CNOT10: variants seen among roughly 807,000 people sequenced by gnomAD.
CNOT10 encodes the protein CCR4-NOT transcription complex subunit 10, also known as CCR4-NOT transcription complex, subunit 10.
In CNOT10, 30 loss-of-function variants were observed where a neutral mutation model predicts 94.6. That is an observed-to-expected ratio of 0.32 (90% CI 0.24 to 0.43). The LOEUF (loss-of-function observed/expected upper bound fraction) is 0.43, where lower values mean the gene tolerates loss of function less well. CNOT10 is among the 20% of genes least tolerant of loss of function. The probability of loss-of-function intolerance (pLI) is 1.00; values close to 1 mark genes in which losing one functional copy is unlikely to be tolerated. For synonymous variants in CNOT10, 289 were observed against 301.6 expected (o/e 0.96, Z 0.43); for missense variants, 759 against 877.2 (o/e 0.87, Z 1.70).
intron 13 of CNOT10, chr3:32,753,530 T>C (rs952066366): frequency 4.1e-5 from 65 of 1,581,180 alleles, no homozygotes; most frequent in Non-Finnish European, 5.4e-5. Flanking sequence ...TCAACCAAGA[T>C]TGAAATTAAA....
intron 1 of CNOT10, among the ~76,000 whole-genome samples, chr3:32,697,261 T>C (rs938969047): frequency 3.9e-5 from 6 of 152,110 alleles, no homozygotes; most frequent in African/African-American, 1.4e-4. Flanking sequence ...GATACTTCCA[T>C]TTTCTGGGGT....
intron 5 of CNOT10, 68 bp downstream of exon 5, chr3:32,713,437 T>A: frequency 7.8e-7 from 1 of 1,279,788 alleles, no homozygotes; most frequent in South Asian, 1.4e-5. Context: ...GTTGGTTTAC[T>A]GGATTAAAAA....
intron 13 of CNOT10, among the ~76,000 whole-genome samples, chr3:32,750,608 A>C (rs1394833094): frequency 6.6e-6 from 1 of 151,860 alleles, no homozygotes; most frequent in Non-Finnish European, 1.5e-5. Context: ...GCTGGAGTGC[A>C]CTGGCGCAAT....
intron 10 of CNOT10, among the ~76,000 whole-genome samples, chr3:32,729,322 T>A (rs1366520501): frequency 6.6e-6 from 1 of 152,150 alleles, no homozygotes; most frequent in African/African-American, 2.4e-5. Flanking sequence ...CCTTTTGAAT[T>A]TCAATTTGGG....
intron 2 of CNOT10, among the ~76,000 whole-genome samples, chr3:32,704,504 C>T (rs1697522214): frequency 6.6e-6 from 1 of 151,910 alleles, no homozygotes; most frequent in Non-Finnish European, 1.5e-5. Flanking sequence ...ATTATATTAC[C>T]TTTCTTGACT....
chr3:32,752,051 G>T (rs929485877), intron 13 of CNOT10, among the ~76,000 whole-genome samples: 1 of 152,148 alleles, frequency 6.6e-6, no homozygotes, highest in Non-Finnish European at 1.5e-5. Context: ...CACTTCGGAA[G>T]TTCGAGGCAG....
chr3:32,759,325 G>T, intron 13 of CNOT10, 133 bp from the exon 14 acceptor site: 1 of 643,590 alleles, frequency 1.6e-6, no homozygotes, highest in Non-Finnish European at 2.8e-6. Flanking sequence ...CTTACCATTA[G>T]TACCGTGGCT....
At chr3:32,718,037 G>C (rs1698201031) in intron 7 of CNOT10, among the ~76,000 whole-genome samples, 1 of 152,070 alleles carries the variant, frequency 6.6e-6, no homozygotes, top group Admixed American at 6.6e-5. Flanking sequence ...TAATTTTTAA[G>C]ATGGTGTAGG....
Position 32,727,729 on chromosome 3 carries a change from G to A in CNOT10, c.1074G>A (p.Leu358=). The A allele has an allele frequency of 6.2e-7, 1 of 1,614,096 alleles. No individual in the cohort carries two copies. Among genetic ancestry groups the A allele is most frequent in the Non-Finnish European group, 8.5e-7 (1 of 1,179,972 alleles). The change falls in exon 10 of 19, where the codon CTG becomes CTA. Residue 358 remains leucine (L), a synonymous_variant. Coordinates refer to ENST00000328834, the MANE Select transcript of CNOT10 (RefSeq NM_015442.3). The part of the protein sequence containing the change: ...TLLTNKRYEL[L]YNCGIQLLHI... ...TAACCAATAAGAGATATGAGTTGCT[G>A]TATAACTGTGGAATTCAGCTTCTTC...
rs953070088 is a variant in CNOT10 at position 32,743,219 on chromosome 3, G to A, written c.1595+5729G>A. The stretch of plus-strand genomic sequence containing the variant: ...TCAGGCTAGTCTCGAACTCCTGACC[G>A]CAGGTGATCCATCCGCCTTAGCTTC... On this transcript the variant is annotated intron_variant, in intron 13 of 18. Transcript: ENST00000328834. Among the ~76,000 whole-genome samples, 7 of 151,918 alleles carry A rather than the reference G, an allele frequency of 4.6e-5. No individual in the cohort carries two copies. In the East Asian group the frequency reaches 5.8e-4, roughly 13 times the overall value.
intron 8 of CNOT10, among the ~76,000 whole-genome samples, chr3:32,720,683 T>G (rs184197899): frequency 4.4e-4 from 67 of 151,432 alleles, no homozygotes; most frequent in Admixed American, 2.1e-3. Context: ...CAAGGTCTCA[T>G]TATGTTGCCC....
chr3:32,725,253 C>T (rs1016948860), intron 8 of CNOT10, among the ~76,000 whole-genome samples, 197 bp from the exon 9 acceptor site: 1 of 152,014 alleles, frequency 6.6e-6, no homozygotes, highest in Non-Finnish European at 1.5e-5. Context: ...TTTGTATCAC[C>T]TTTAATAAAA....
intron 8 of CNOT10, among the ~76,000 whole-genome samples, chr3:32,721,003 G>GTTCCCTTCCCTCCCTCTC (rs1323564697): frequency 1.2e-3 from 114 of 91,428 alleles, no homozygotes; most frequent in Non-Finnish European, 1.9e-3. Flanking sequence ...CCTTCCTTCT[G>GTTCCCTTCCCTCCCTCTC]TTCCCTTCCC....
Position 32,762,718 on chromosome 3 carries a change from G to GT in CNOT10, c.1710-9dup. 6.3e-7 allele frequency: 1 copy of GT among 1,582,344 alleles called. No individual in the cohort carries two copies. The highest frequency in any genetic ancestry group is 2.0e-5 in the Admixed American group (1 of 50,382). On this transcript the variant is annotated splice_polypyrimidine_tract_variant and intron_variant, in intron 14 of 18. Coordinates refer to ENST00000328834, the MANE Select transcript of CNOT10 (RefSeq NM_015442.3). ...CGTTGTACTTTTCAGTTTGGAATCT[G>GT]TTTTTTCATTTTAGGTTTTTGGGAC...
chr3:32,773,680 C>T lies in CNOT10; in HGVS notation c.*69C>T. 2 of 1,445,942 alleles carry T rather than the reference C, an allele frequency of 1.4e-6. No individual in the cohort carries two copies. Among genetic ancestry groups the T allele is most frequent in the Non-Finnish European group, 1.9e-6 (2 of 1,072,584 alleles). 89.6% of individuals were successfully genotyped at this position (1,445,942 alleles called of 1,614,324 possible). On this transcript the variant is annotated 3_prime_UTR_variant, in exon 19 of 19. Transcript: ENST00000328834. ...TTTACTGGCCATTTTAGTTGTATCA[C>T]AGCAGAATGAATAAAAGATGGTGAA...
chr3:32,692,051 C>CAAAAA (rs747328876), intron 1 of CNOT10, among the ~76,000 whole-genome samples: 7 of 66,494 alleles, frequency 1.1e-4, no homozygotes, highest in Admixed American at 1.8e-4. Context: ...ACCCTGTCAC[C>CAAAAA]AAAAAAAAAA....
At chr3:32,686,690 C>T (rs1559471253) in intron 1 of CNOT10, among the ~76,000 whole-genome samples, 1 of 152,154 alleles carries the variant, frequency 6.6e-6, no homozygotes, top group African/African-American at 2.4e-5. Flanking sequence ...AACGGCATGG[C>T]CTGTCCAAGG....
chr3:32,737,292 G>A, intron 12 of CNOT10, 118 bp from the exon 13 acceptor site: 1 of 628,680 alleles, frequency 1.6e-6, no homozygotes, highest in South Asian at 1.9e-5. Context: ...TCCATCCTGA[G>A]CGACGAGCAA....
chr3:32,690,526 G>A (rs1440584636), intron 1 of CNOT10, among the ~76,000 whole-genome samples: 1 of 151,748 alleles, frequency 6.6e-6, no homozygotes, highest in Non-Finnish European at 1.5e-5. Context: ...TTAGGACTAC[G>A]GGTGTGTACT....
Sources: allele counts gnomAD v4.1 joint callset (sites outside exome capture counted in the v4.1 genomes callset), GRCh38; gene constraint gnomAD v4.1.1; transcripts MANE v1.5; gene names NCBI Gene and HGNC (gene_info 2026-07-23, HGNC 2026-07-21).